EYS: variants seen among roughly 807,000 people sequenced by gnomAD.
The protein encoded by EYS is protein eyes shut homolog.
Under a neutral mutation model 282.1 loss-of-function variants are expected in EYS, and 250 were observed. The observed-to-expected ratio is 0.89, with a 90% CI of 0.80 to 0.98. The LOEUF is 0.98. EYS is among the 50% of genes least tolerant of loss of function. The probability of loss-of-function intolerance (pLI) is 0.00; values close to 1 mark genes in which losing one functional copy is unlikely to be tolerated. For missense variants in EYS, 4,016 were observed against 3,709.0 expected, an observed-to-expected ratio of 1.08 and a Z score of -2.15; for synonymous variants, 1,355 against 1,282.9, an observed-to-expected ratio of 1.06 and a Z score of -1.20.
Position 65,405,386 on chromosome 6 carries a change from A to G in EYS, c.863-19T>C, listed in dbSNP as rs1200553947. ...AATGGACCTTAAAAAAATCACACAC[A>G]AGAAAAAAAAAGAAAAGGAAGGAAG... On this transcript the variant is annotated intron_variant, in intron 5 of 42. Transcript: ENST00000503581. 4 of 1,527,002 alleles carry G rather than the reference A, an allele frequency of 2.6e-6. No homozygotes were observed. The highest frequency in any genetic ancestry group is 3.6e-6 in the Non-Finnish European group (4 of 1,123,538). 94.6% of individuals were successfully genotyped at this position (1,527,002 alleles called of 1,614,324 possible).
At chr6:63,810,380 G>T (rs1040334485) in intron 36 of EYS, among the ~76,000 whole-genome samples, 2 of 149,486 alleles carry the variant, frequency 1.3e-5, no homozygotes, top group Non-Finnish European at 2.9e-5. Context: ...CACAGAAGTG[G>T]CTAAGATGAA....
At chr6:63,864,159 C>G in intron 36 of EYS, 27 bp downstream of exon 36, 3 of 1,438,410 alleles carry the variant, frequency 2.1e-6, no homozygotes, top group Non-Finnish European at 2.8e-6. Flanking sequence ...TGTCTGTGCT[C>G]CATGTTTAAT....
chr6:64,353,549 GT>G (rs1771719783), intron 29 of EYS, among the ~76,000 whole-genome samples: 1 of 151,512 alleles, frequency 6.6e-6, no homozygotes, highest in Non-Finnish European at 1.5e-5. Context: ...TTCCCTCTGG[GT>G]TTGTTGATGA....
At chr6:65,049,724 G>T (rs2150153776) in intron 13 of EYS, among the ~76,000 whole-genome samples, 1 of 151,708 alleles carries the variant, frequency 6.6e-6, no homozygotes, top group African/African-American at 2.4e-5. Flanking sequence ...TTATAATTTT[G>T]TCTCATTGTT....
chr6:63,847,124 G>GTTCAGA (rs1291514489), intron 36 of EYS, among the ~76,000 whole-genome samples: 1 of 152,102 alleles, frequency 6.6e-6, no homozygotes, highest in East Asian at 1.9e-4. Flanking sequence ...TGAAGTTCAT[G>GTTCAGA]TTCAGATTCA....
At chr6:65,089,380 C>G (rs1206149631) in intron 12 of EYS, among the ~76,000 whole-genome samples, 3 of 152,180 alleles carry the variant, frequency 2.0e-5, no homozygotes, top group Non-Finnish European at 4.4e-5. Flanking sequence ...TCAGCATGAC[C>G]TAGATGTAAG....
At chr6:64,336,225 G>T (rs562862992) in intron 29 of EYS, among the ~76,000 whole-genome samples, 79 of 152,188 alleles carry the variant, frequency 5.2e-4, no homozygotes, top group African/African-American at 1.9e-3. Context: ...ACAACTACCT[G>T]CTGCCTTCAG....
chr6:64,977,635 T>C (rs955181005), intron 14 of EYS, among the ~76,000 whole-genome samples: 1 of 150,472 alleles, frequency 6.6e-6, no homozygotes, highest in African/African-American at 2.4e-5. Context: ...AAGCTAGGCC[T>C]TTTGCACCAA....
In EYS at chr6:63,753,642, C is replaced by T. The variant is rs114403409; in HGVS notation, c.8071+8819G>A. Among the ~76,000 whole-genome samples, 954 of 152,118 alleles carry T rather than the reference C, an allele frequency of 6.3e-3. 9 individuals are homozygous for T. Among genetic ancestry groups the T allele is most frequent in the African/African-American group, 0.022 (892 of 41,484 alleles). ...ATAAGAATAGCATGGGGAAAACTGCCCCACATGATCCAATCCCCTCCCTCC... is the reference window on the plus strand; with the variant it reads ...ATAAGAATAGCATGGGGAAAACTGCTCCACATGATCCAATCCCCTCCCTCC... On this transcript the variant is annotated intron_variant, in intron 41 of 42. Coordinates refer to ENST00000503581, the MANE Select transcript of EYS (RefSeq NM_001142800.2).
At chr6:64,079,006 C>G (rs1771866850) in intron 32 of EYS, among the ~76,000 whole-genome samples, 1 of 151,910 alleles carries the variant, frequency 6.6e-6, no homozygotes, top group Non-Finnish European at 1.5e-5. Flanking sequence ...AAATTTTCCC[C>G]AAGAAAATGC....
intron 36 of EYS, among the ~76,000 whole-genome samples, chr6:63,847,210 G>A (rs2149700702): frequency 6.6e-6 from 1 of 152,202 alleles, no homozygotes; most frequent in Non-Finnish European, 1.5e-5. Context: ...CTTACCTTTG[G>A]ACTTATATTT....
intron 19 of EYS, among the ~76,000 whole-genome samples, chr6:64,851,349 T>C (rs917782041): frequency 6.6e-6 from 1 of 152,134 alleles, no homozygotes; most frequent in Non-Finnish European, 1.5e-5. Flanking sequence ...CATCCATGCC[T>C]ATCCCACCAT....
intron 2 of EYS, among the ~76,000 whole-genome samples, chr6:65,563,332 A>G (rs1453274831): frequency 2.0e-5 from 3 of 152,122 alleles, no homozygotes; most frequent in Non-Finnish European, 4.4e-5. Context: ...TTCAATAATT[A>G]TTTCAAGTTC....
intron 42 of EYS, among the ~76,000 whole-genome samples, chr6:63,723,203 AAG>A (rs1768473607): frequency 6.6e-6 from 1 of 151,914 alleles, no homozygotes; most frequent in South Asian, 2.1e-4. Context: ...ATTCATAACA[AAG>A]AAACTCAGTT....
At position 65,520,427 on chromosome 6, in the gene EYS, C is replaced by G. The variant is rs368942326; in HGVS notation, c.-332-24434G>C. ...TAATTTTCTTCAAGATGCAATGAGCCCTCTTGGGAAGTAGGCCTTGTGCTG... is the reference window on the plus strand; with the variant it reads ...TAATTTTCTTCAAGATGCAATGAGCGCTCTTGGGAAGTAGGCCTTGTGCTG... On this transcript the variant is annotated intron_variant, in intron 2 of 42. Coordinates refer to ENST00000503581, the MANE Select transcript of EYS (RefSeq NM_001142800.2). Among the ~76,000 whole-genome samples the G allele has an allele frequency of 4.9e-4, 75 of 152,028 alleles. 2 individuals carry two copies. In the South Asian group the frequency reaches 0.015, roughly 31 times the overall value.
At chr6:63,972,172 A>G (rs930032079) in intron 35 of EYS, among the ~76,000 whole-genome samples, 14 of 152,164 alleles carry the variant, frequency 9.2e-5, no homozygotes, top group African/African-American at 3.4e-4. Context: ...GCAGAGTTGA[A>G]TGGGTTCTTT....
chr6:64,792,762 A>T (rs1774230379), intron 22 of EYS, among the ~76,000 whole-genome samples: 1 of 151,904 alleles, frequency 6.6e-6, no homozygotes, highest in African/African-American at 2.4e-5. Flanking sequence ...TTAGGCTAAG[A>T]AAGGGTTTCC....
intron 19 of EYS, among the ~76,000 whole-genome samples, chr6:64,827,647 T>C (rs1765098439): frequency 6.6e-6 from 1 of 151,796 alleles, no homozygotes; most frequent in Non-Finnish European, 1.5e-5. Flanking sequence ...ATTTTAAAAA[T>C]TCAAATTCAT....
intron 24 of EYS, among the ~76,000 whole-genome samples, chr6:64,613,467 G>A (rs1308137349): frequency 1.3e-5 from 2 of 152,068 alleles, no homozygotes; most frequent in African/African-American, 4.8e-5. Context: ...CACAATAAGA[G>A]AAAAGCTGAA....
Sources: allele counts gnomAD v4.1 joint callset (sites outside exome capture counted in the v4.1 genomes callset), GRCh38; gene constraint gnomAD v4.1.1; transcripts MANE v1.5; gene names NCBI Gene and HGNC (gene_info 2026-07-23, HGNC 2026-07-21).